CHD2: variants seen among roughly 807,000 people sequenced by gnomAD.
CHD2 encodes chromodomain helicase DNA binding protein 2, also known as ATP-dependent chromatin remodeler CHD2.
CHD2 carries 28 observed loss-of-function variants against 243.9 expected under a neutral mutation model. The ratio of observed to expected loss-of-function variants is 0.11; its 90% CI spans 0.09 to 0.16. CHD2 has a LOEUF of 0.16. Ranked by LOEUF, CHD2 falls within the 10% of genes least tolerant of loss-of-function variation. The probability of loss-of-function intolerance (pLI) is 1.00; values close to 1 mark genes in which losing one functional copy is unlikely to be tolerated. For synonymous variants in CHD2, 775 were observed against 779.0 expected (o/e 0.99, Z 0.09); for missense variants, 1,386 against 2,209.8 (o/e 0.63, Z 7.47).
chr15:93,018,471 T>C (rs1239984668), intron 37 of CHD2, among the ~76,000 whole-genome samples: 13 of 152,248 alleles, frequency 8.5e-5, no homozygotes, highest in Non-Finnish European at 1.3e-4. Context: ...CACATAATTA[T>C]AGACAGAAGA....
chr15:92,983,746 C>T (rs577701730), intron 24 of CHD2, among the ~76,000 whole-genome samples: 19 of 152,246 alleles, frequency 1.2e-4, no homozygotes, highest in Non-Finnish European at 1.5e-4. Context: ...GAATATTCTT[C>T]TAGATTTATT....
chr15:92,940,324 A>G (rs1212801302), intron 7 of CHD2, among the ~76,000 whole-genome samples: 1 of 152,088 alleles, frequency 6.6e-6, no homozygotes, highest in Non-Finnish European at 1.5e-5. Flanking sequence ...TGGTGGCGGC[A>G]TGCACCTGCA....
At chr15:93,010,948 C>A (rs540341276) in intron 35 of CHD2, among the ~76,000 whole-genome samples, 1 of 152,310 alleles carries the variant, frequency 6.6e-6, no homozygotes, top group South Asian at 2.1e-4. Context: ...TTTAAGAAAA[C>A]TTCTGCATGA....
At position 93,009,236 on chromosome 15, in the gene CHD2, C is replaced by A; in HGVS notation, c.4505C>A (p.Thr1502Asn). 1 of 1,614,190 alleles carries A rather than the reference C, an allele frequency of 6.2e-7. No individual in the cohort carries two copies. Among genetic ancestry groups the A allele is most frequent in the Non-Finnish European group, 8.5e-7 (1 of 1,180,008 alleles). Residue 1502 changes from threonine to asparagine, a missense_variant, in exon 35 of 39, where the codon ACC (threonine) becomes AAC (asparagine). Physicochemically the swap from Thr to Asn is moderately conservative, Grantham distance 65. Coordinates refer to ENST00000394196, the MANE Select transcript of CHD2 (RefSeq NM_001271.4). ...AACGTGCAAGAACAGCTGGAACACA[C>A]CCGGAACTGCCTGCTGAAAATCGGA... ...GLNVQEQLEH[T>N]RNCLLKIGDR...
rs2052515690 is a variant in CHD2 at position 92,900,627 on chromosome 15, A to G, written c.-269A>G. On this transcript the variant is annotated 5_prime_UTR_variant, in exon 1 of 39. The change abolishes an upstream ATG in the 5' untranslated region. Transcript: ENST00000394196. Reference sequence around the variant, plus strand: ...ACCTCCATTTTTGTGCGCTCTCCTAATGAGGTTTTTTTTCTTTCGGACCTG... The same window carrying G: ...ACCTCCATTTTTGTGCGCTCTCCTAGTGAGGTTTTTTTTCTTTCGGACCTG... The G allele has an allele frequency of 2.5e-6, 1 of 398,304 alleles. No individual in the cohort carries two copies. Among genetic ancestry groups the G allele is most frequent in the Non-Finnish European group, 4.4e-6 (1 of 226,072 alleles). 24.7% of individuals were successfully genotyped at this position (398,304 alleles called of 1,614,324 possible).
chr15:92,921,078 C>A (rs989815335), intron 2 of CHD2, among the ~76,000 whole-genome samples: 1 of 151,290 alleles, frequency 6.6e-6, no homozygotes, highest in African/African-American at 2.4e-5. Flanking sequence ...GATGTGGCTG[C>A]CTGTTTTCCA....
In CHD2 at chr15:92,999,316, T is replaced by A. The variant is rs2054225616; in HGVS notation, c.4008+695T>A. 2.0e-5 allele frequency among the ~76,000 whole-genome samples: 3 copies of A among 152,302 alleles called. No homozygotes were observed. The South Asian group carries it at 6.2e-4, about 32-fold the overall frequency. ...GTGGGTTTGCCTGTTGTTCTGTCTG[T>A]CTCTGTGGTTCTTGTAATAGTGGAT... On this transcript the variant is annotated intron_variant, in intron 31 of 38. Coordinates refer to ENST00000394196, the MANE Select transcript of CHD2 (RefSeq NM_001271.4).
chr15:92,998,653 G>A lies in CHD2; in HGVS notation c.4008+32G>A, dbSNP rs1208387912. On this transcript the variant is annotated intron_variant, in intron 31 of 38. Coordinates refer to ENST00000394196, the MANE Select transcript of CHD2 (RefSeq NM_001271.4). The surrounding 1 kb of genome is among the most constrained non-coding windows in gnomAD (Gnocchi z 5.1). ...ACGCTGCCAGCTGGTTGTTTTTCAG[G>A]GGCCTGAGGCTCCTACCCTGCAGAA... 3.7e-6 allele frequency: 6 copies of A among 1,606,156 alleles called. No homozygotes were observed. In the African/African-American group the frequency reaches 6.7e-5, roughly 18 times the overall value.
chr15:92,918,641 T>C (rs922882781), intron 2 of CHD2, among the ~76,000 whole-genome samples: 5 of 152,126 alleles, frequency 3.3e-5, no homozygotes, highest in Admixed American at 2.6e-4. Context: ...CTGCCTCCTC[T>C]ACTAAACCAG....
At chr15:92,905,914 G>T (rs1337421190) in intron 2 of CHD2, among the ~76,000 whole-genome samples, 1 of 152,162 alleles carries the variant, frequency 6.6e-6, no homozygotes, top group African/African-American at 2.4e-5. Flanking sequence ...TTTTTGTGTA[G>T]AGACTGAATT....
rs2052512081 is a variant in CHD2 at position 92,900,358 on chromosome 15, C to T, written c.-538C>T. 5.1e-6 allele frequency: 2 copies of T among 388,674 alleles called. No individual in the cohort carries two copies. Among genetic ancestry groups the T allele is most frequent in the Non-Finnish European group, 9.1e-6 (2 of 220,648 alleles). 24.1% of individuals were successfully genotyped at this position (388,674 alleles called of 1,614,324 possible). On this transcript the variant is annotated 5_prime_UTR_variant, in exon 1 of 39. Coordinates refer to ENST00000394196, the MANE Select transcript of CHD2 (RefSeq NM_001271.4). ...AAGGAGGCTCTAGATGGCGGCTGTGCCTTAGAGAGAGCGCGCTCTGCTCCC... is the reference window on the plus strand; with the variant it reads ...AAGGAGGCTCTAGATGGCGGCTGTGTCTTAGAGAGAGCGCGCTCTGCTCCC...
Position 92,955,451 on chromosome 15 carries a change from A to G in CHD2, c.1748A>G (p.Gln583Arg), listed in dbSNP as rs1276612359. 6.3e-7 allele frequency: 1 copy of G among 1,597,762 alleles called. No individual in the cohort carries two copies. The highest frequency in any genetic ancestry group is 1.4e-5 in the African/African-American group (1 of 73,884). ...TIREYEWIHSQTKRLKFNALI... is the reference protein window; with the variant it reads ...TIREYEWIHSRTKRLKFNALI... The stretch of plus-strand genomic sequence containing the variant: ...CGGGAATATGAATGGATTCATTCCC[A>G]AACCAAAAGATTGAAGTTCAACGCA... The change falls in exon 15 of 39, where the codon CAA becomes CGA. Residue 583 changes from glutamine (Q) to arginine (R), a missense_variant. By Grantham distance (43) the Gln-to-Arg change is conservative. This residue lies in a region of CHD2 where 63 missense variants were observed against 108.8 expected (regional missense o/e 0.58). Coordinates refer to ENST00000394196, the MANE Select transcript of CHD2 (RefSeq NM_001271.4).
In CHD2 at chr15:93,020,129, A is replaced by T. The variant is rs750921786; in HGVS notation, c.5024A>T (p.Tyr1675Phe). Residue 1675 changes from tyrosine to phenylalanine, a missense_variant, in exon 38 of 39, where the codon TAT becomes TTT. Tyr to Phe is a conservative substitution (Grantham distance 22, BLOSUM62 3). This residue lies in a region of CHD2 where 347 missense variants were observed against 341.6 expected (regional missense o/e 1.02). Coordinates refer to ENST00000394196, the MANE Select transcript of CHD2 (RefSeq NM_001271.4). ...YEQHWYKDHH[Y>F]GDRRHMDAHR... ...CAGCACTGGTACAAGGACCACCATTATGGGGACCGGCGACATATGGATGCC... is the reference window on the plus strand; with the variant it reads ...CAGCACTGGTACAAGGACCACCATTTTGGGGACCGGCGACATATGGATGCC... 1 of 1,614,122 alleles carries T rather than the reference A, an allele frequency of 6.2e-7. No individual in the cohort carries two copies. The highest frequency in any genetic ancestry group is 2.2e-5 in the East Asian group (1 of 44,888).
At chr15:92,949,371 A>C (rs2053520962) in intron 13 of CHD2, 6 of 415,720 alleles carry the variant, frequency 1.4e-5, no homozygotes, top group Non-Finnish European at 1.8e-5. Flanking sequence ...TGTATATAGC[A>C]AGTTAAGTCA....
intron 33 of CHD2, among the ~76,000 whole-genome samples, chr15:93,004,121 C>T (rs1240357572): frequency 1.5e-5 from 2 of 129,246 alleles, no homozygotes; most frequent in Non-Finnish European, 3.2e-5. Flanking sequence ...GAGAATCTGT[C>T]TCAAAAAAAA....
chr15:93,024,323 TG>T, intron 38 of CHD2, 48 bp from the exon 39 acceptor site: 1 of 1,540,742 alleles, frequency 6.5e-7, no homozygotes, highest in Non-Finnish European at 8.9e-7. Flanking sequence ...GAGAAGTGGA[TG>T]GGAATCTGGC....
intron 7 of CHD2, among the ~76,000 whole-genome samples, chr15:92,940,519 G>A (rs2053343400): frequency 6.6e-6 from 1 of 151,660 alleles, no homozygotes; most frequent in South Asian, 2.1e-4. Context: ...TAGAAATCAA[G>A]TATTTTTTTT....
chr15:92,939,404 T>C (rs966162421), intron 6 of CHD2, among the ~76,000 whole-genome samples, 174 bp from the exon 7 acceptor site: 2 of 152,184 alleles, frequency 1.3e-5, no homozygotes, highest in Non-Finnish European at 2.9e-5. Context: ...AATCCAGATT[T>C]CTAGTGAATT....
Position 93,014,844 on chromosome 15 carries a change from C to G in CHD2, c.4841C>G (p.Pro1614Arg). ...QKPHLPASHG[P>R]QMHGHPRDNY... ...CCTCATTTGCCTGCCTCCCATGGCC[C>G]ACAGATGCATGGACACCCAAGAGAT... is the stretch of plus-strand genomic sequence containing the variant. The change falls in exon 37 of 39, where the codon CCA becomes CGA. Residue 1614 changes from proline to arginine, a missense_variant. This residue lies in a region of CHD2 where 347 missense variants were observed against 341.6 expected (regional missense o/e 1.02). Coordinates refer to ENST00000394196, the MANE Select transcript of CHD2 (RefSeq NM_001271.4). 2 of 1,614,134 alleles carry G rather than the reference C, an allele frequency of 1.2e-6. No individual in the cohort carries two copies. The highest frequency in any genetic ancestry group is 1.7e-6 in the Non-Finnish European group (2 of 1,180,028).
Sources: gnomAD v4.1 joint callset for allele counts (sites outside exome capture counted in the v4.1 genomes callset) on GRCh38, gnomAD v4.1.1 for gene constraint, gnomAD v4.1.1 regional missense constraint, Gnocchi (gnomAD v3.1) non-coding constraint, MANE v1.5 for transcripts, NCBI Gene and HGNC (gene_info 2026-07-23, HGNC 2026-07-21) for gene names.